SNTG1: variants seen among roughly 807,000 people sequenced by gnomAD.
SNTG1 encodes syntrophin gamma 1, also known as gamma-1-syntrophin.
A neutral mutation model predicts 74.7 loss-of-function variants in SNTG1; 39 were observed. The observed-to-expected ratio is 0.52, with a 90% CI of 0.40 to 0.68. SNTG1 has a LOEUF of 0.68. Ranked by LOEUF, SNTG1 falls within the 30% of genes least tolerant of loss-of-function variation. The probability of loss-of-function intolerance (pLI) is 0.00; values close to 1 mark genes in which losing one functional copy is unlikely to be tolerated. For missense variants in SNTG1, 685 were observed against 609.5 expected (o/e 1.12, Z -1.30); for synonymous variants, 254 against 217.1 (o/e 1.17, Z -1.49).
At chr8:50,413,965 A>C (rs532655574) in intron 4 of SNTG1, among the ~76,000 whole-genome samples, 19 of 152,174 alleles carry the variant, frequency 1.2e-4, no homozygotes, top group Non-Finnish European at 2.6e-4. Flanking sequence ...TATACATTTG[A>C]TATCTCCTTT....
At chr8:50,437,252 A>G (rs1365324262) in intron 4 of SNTG1, among the ~76,000 whole-genome samples, 1 of 152,144 alleles carries the variant, frequency 6.6e-6, no homozygotes, top group Non-Finnish European at 1.5e-5. Flanking sequence ...GTAAATATGC[A>G]CCATCTTCAT....
intron 2 of SNTG1, among the ~76,000 whole-genome samples, chr8:50,260,297 T>C (rs948319921): frequency 1.3e-5 from 2 of 152,132 alleles, no homozygotes; most frequent in African/African-American, 4.8e-5. Context: ...ATTAAGGACA[T>C]ACCTAGCTCT....
intron 2 of SNTG1, among the ~76,000 whole-genome samples, chr8:50,314,605 A>C (rs1336332325): frequency 6.7e-6 from 1 of 149,844 alleles, no homozygotes; most frequent in Non-Finnish European, 1.5e-5. Flanking sequence ...TCTGAATCTC[A>C]TGAAAGAGTT....
intron 1 of SNTG1, among the ~76,000 whole-genome samples, chr8:49,976,519 A>G (rs376310549): frequency 4.7e-4 from 72 of 152,304 alleles, no homozygotes; most frequent in African/African-American, 1.6e-3. Flanking sequence ...AGAAACAGAA[A>G]TAGCCTGTGG....
chr8:50,010,527 C>T lies in SNTG1; in HGVS notation c.-103+98296C>T, dbSNP rs117616201. ...TGAATGTATGATAGGATTACTAACA[C>T]ATATGGATGAAAAAAAATCATATAC... On this transcript the variant is annotated intron_variant, in intron 1 of 18. Coordinates refer to ENST00000642720, the MANE Select transcript of SNTG1 (RefSeq NM_018967.5). 4.9e-3 allele frequency among the ~76,000 whole-genome samples: 739 copies of T among 152,172 alleles called. 7 individuals are homozygous for T. Among genetic ancestry groups the T allele is most frequent in the Admixed American group, 7.5e-3 (115 of 15,280 alleles).
chr8:50,439,716 C>CTTT (rs60899125), intron 5 of SNTG1, among the ~76,000 whole-genome samples: 8 of 102,042 alleles, frequency 7.8e-5, no homozygotes, highest in East Asian at 2.7e-4. Context: ...TTTTGTTTTG[C>CTTT]TTTTTTTTTT....
chr8:50,313,980 C>T lies in SNTG1; in HGVS notation c.-27-80232C>T, dbSNP rs189235624. Reference sequence around the variant, plus strand: ...AAAAAATTATTGATAAAAGATTTATCAGTATTTAATACCCAATCTTATATA... The same window carrying T: ...AAAAAATTATTGATAAAAGATTTATTAGTATTTAATACCCAATCTTATATA... On this transcript the variant is annotated intron_variant, in intron 2 of 18. Coordinates refer to ENST00000642720, the MANE Select transcript of SNTG1 (RefSeq NM_018967.5). Among the ~76,000 whole-genome samples, 224 of 149,888 alleles carry T rather than the reference C, an allele frequency of 1.5e-3. 6 individuals are homozygous for T. The Middle Eastern group carries it at 0.027, about 18-fold the overall frequency.
At chr8:50,551,268 T>C (rs1355201401) in intron 11 of SNTG1, among the ~76,000 whole-genome samples, 1 of 152,122 alleles carries the variant, frequency 6.6e-6, no homozygotes, top group Non-Finnish European at 1.5e-5. Flanking sequence ...AGTTTCCATA[T>C]TTGAAAAGTT....
chr8:50,255,672 T>A (rs2086847585), intron 2 of SNTG1, among the ~76,000 whole-genome samples: 1 of 152,228 alleles, frequency 6.6e-6, no homozygotes, highest in Admixed American at 6.5e-5. Flanking sequence ...CTTGTCTGCA[T>A]GTTTATGTCT....
At chr8:50,494,746 C>T (rs1024692401) in intron 8 of SNTG1, among the ~76,000 whole-genome samples, 1 of 152,034 alleles carries the variant, frequency 6.6e-6, no homozygotes, top group South Asian at 2.1e-4. Flanking sequence ...AATGATATGT[C>T]TCTTTATACA....
chr8:50,080,212 A>T (rs1383099416), intron 1 of SNTG1, among the ~76,000 whole-genome samples: 2 of 152,114 alleles, frequency 1.3e-5, no homozygotes, highest in Non-Finnish European at 2.9e-5. Flanking sequence ...TCATTATGAG[A>T]TGTCCTTCTC....
intron 16 of SNTG1, chr8:50,707,870 T>C (rs1015970946): frequency 9.2e-5 from 36 of 390,310 alleles, no homozygotes; most frequent in Non-Finnish European, 1.4e-4. Flanking sequence ...ATATTTGATT[T>C]ATATCCTGTT....
intron 15 of SNTG1, among the ~76,000 whole-genome samples, chr8:50,665,650 G>C (rs992490994): frequency 6.6e-6 from 1 of 152,134 alleles, no homozygotes; most frequent in African/African-American, 2.4e-5. Context: ...AGGAAATAAG[G>C]AGGTGTTCAG....
At chr8:50,487,848 G>GT (rs2131858788) in intron 8 of SNTG1, among the ~76,000 whole-genome samples, 1 of 149,414 alleles carries the variant, frequency 6.7e-6, no homozygotes, top group East Asian at 2.0e-4. Context: ...AAAAAGTCCA[G>GT]TAAAAAAAAA....
intron 1 of SNTG1, among the ~76,000 whole-genome samples, chr8:50,150,606 G>A (rs1008198914): frequency 4.6e-5 from 7 of 152,110 alleles, no homozygotes; most frequent in African/African-American, 1.7e-4. Flanking sequence ...AGCATGAAGG[G>A]TTGTTGAATT....
intron 18 of SNTG1, among the ~76,000 whole-genome samples, chr8:50,792,274 A>G (rs2095693167): frequency 6.6e-6 from 1 of 151,866 alleles, no homozygotes; most frequent in Non-Finnish European, 1.5e-5. Flanking sequence ...AATACTCAAG[A>G]ATAGTTTTAA....
chr8:50,673,587 TG>T (rs566724078), intron 15 of SNTG1, among the ~76,000 whole-genome samples: 64 of 151,866 alleles, frequency 4.2e-4, no homozygotes, highest in African/African-American at 1.4e-3. Flanking sequence ...CTGGGATGAT[TG>T]GGTTTTCTAA....
intron 18 of SNTG1, among the ~76,000 whole-genome samples, chr8:50,769,501 C>CA (rs1223917505): frequency 3.3e-5 from 5 of 151,618 alleles, no homozygotes; most frequent in Admixed American, 6.6e-5. Flanking sequence ...GTAATTGTAA[C>CA]AAAAAAACAC....
chr8:50,702,301 C>T (rs573472009), intron 15 of SNTG1, among the ~76,000 whole-genome samples: 6 of 152,238 alleles, frequency 3.9e-5, no homozygotes, highest in African/African-American at 1.4e-4. Flanking sequence ...TACTCTCAAA[C>T]ATATTATGTT....
Sources: allele counts gnomAD v4.1 joint callset (sites outside exome capture counted in the v4.1 genomes callset), GRCh38; gene constraint gnomAD v4.1.1; transcripts MANE v1.5; gene names NCBI Gene and HGNC (gene_info 2026-07-23, HGNC 2026-07-21).